The following SLC15A5 variants were observed in gnomAD, a reference collection of about 807,000 sequenced individuals.
SLC15A5 encodes the protein solute carrier family 15 member 5.
Under a neutral mutation model 56.1 loss-of-function variants are expected in SLC15A5, and 58 were observed. That is an observed-to-expected ratio of 1.03 (90% CI 0.84 to 1.29). The LOEUF is 1.29. SLC15A5 is among the 50% of genes most tolerant of loss of function. The pLI, the probability that SLC15A5 is intolerant of heterozygous loss-of-function variation, is 0.00. For missense variants in SLC15A5, 681 were observed against 672.1 expected (o/e 1.01, Z -0.15); for synonymous variants, 264 against 250.5 (o/e 1.05, Z -0.51).
intron 7 of SLC15A5, among the ~76,000 whole-genome samples, chr12:16,208,535 G>A (rs1380690090): frequency 6.6e-6 from 1 of 152,078 alleles, no homozygotes; most frequent in Non-Finnish European, 1.5e-5. Flanking sequence ...TAGCCACGCG[G>A]TGGTGTGTGC....
At chr12:16,220,168 AT>A (rs2136247763) in intron 6 of SLC15A5, among the ~76,000 whole-genome samples, 1 of 152,326 alleles carries the variant, frequency 6.6e-6, no homozygotes, top group East Asian at 1.9e-4. Context: ...TCCTGTTGCC[AT>A]TTTTAGACCA....
intron 7 of SLC15A5, among the ~76,000 whole-genome samples, chr12:16,197,640 T>C (rs1399690473): frequency 6.6e-6 from 1 of 152,070 alleles, no homozygotes; most frequent in Non-Finnish European, 1.5e-5. Flanking sequence ...TCCACAAACC[T>C]TAGATTATCA....
intron 7 of SLC15A5, among the ~76,000 whole-genome samples, chr12:16,199,964 C>A (rs1033210162): frequency 9.2e-5 from 14 of 151,864 alleles, no homozygotes; most frequent in Admixed American, 2.6e-4. Context: ...TCATTGTAGC[C>A]TAGCAGTCTT....
intron 3 of SLC15A5, among the ~76,000 whole-genome samples, chr12:16,254,870 A>G (rs1245690687): frequency 2.0e-5 from 3 of 152,162 alleles, no homozygotes; most frequent in Non-Finnish European, 4.4e-5. Flanking sequence ...GGAGAGATTT[A>G]TTAAGTGACA....
intron 3 of SLC15A5, among the ~76,000 whole-genome samples, chr12:16,252,510 C>T (rs1591656220): frequency 6.6e-6 from 1 of 151,894 alleles, no homozygotes; most frequent in Admixed American, 6.6e-5. Flanking sequence ...CTATAATTAA[C>T]GATGACTGAT....
chr12:16,226,703 T>C (rs569968270), intron 5 of SLC15A5, among the ~76,000 whole-genome samples: 1 of 152,230 alleles, frequency 6.6e-6, no homozygotes, highest in Admixed American at 6.5e-5. Flanking sequence ...ACAATTATAG[T>C]GGTCAAACTC....
At chr12:16,258,996 T>TTC (rs1014414635) in intron 2 of SLC15A5, among the ~76,000 whole-genome samples, 1 of 143,914 alleles carries the variant, frequency 6.9e-6, no homozygotes, top group African/African-American at 2.7e-5. Context: ...TTTTCTTTTT[T>TTC]TTTTTTTCTT....
intron 1 of SLC15A5, among the ~76,000 whole-genome samples, chr12:16,274,632 A>C (rs1864798148): frequency 6.6e-6 from 1 of 152,068 alleles, no homozygotes; most frequent in African/African-American, 2.4e-5. Flanking sequence ...GTTCCCTTTT[A>C]AGGTTAGCCA....
chr12:16,198,684 C>T (rs570897702), intron 7 of SLC15A5, among the ~76,000 whole-genome samples: 99 of 152,252 alleles, frequency 6.5e-4, no homozygotes, highest in African/African-American at 2.1e-3. Context: ...GACGACATTT[C>T]TACTCTGGTC....
At chr12:16,260,997 T>C (rs1405482870) in intron 2 of SLC15A5, among the ~76,000 whole-genome samples, 1 of 152,184 alleles carries the variant, frequency 6.6e-6, no homozygotes, top group East Asian at 1.9e-4. Flanking sequence ...GTTCCACTAA[T>C]CTATCCTTAT....
At chr12:16,239,630 G>A in intron 5 of SLC15A5, 51 bp downstream of exon 5, 2 of 1,495,988 alleles carry the variant, frequency 1.3e-6, no homozygotes, top group Non-Finnish European at 1.8e-6. Flanking sequence ...GCAGAATGTT[G>A]TTTTAAAAAA....
In SLC15A5 at chr12:16,208,751, A is replaced by G. The variant is rs377381418; in HGVS notation, c.1483+8142T>C. 1.9e-4 allele frequency among the ~76,000 whole-genome samples: 29 copies of G among 152,346 alleles called. No individual in the cohort carries two copies. In the South Asian group the frequency reaches 5.4e-3, roughly 28 times the overall value. ...TTTTAAATACAAGGTTCCCACTTAA[A>G]TTTTAATTTCAGAATGAGGAATTAT... is the stretch of plus-strand genomic sequence containing the variant. On this transcript the variant is annotated intron_variant, in intron 7 of 8. Coordinates refer to ENST00000344941, the MANE Select transcript of SLC15A5 (RefSeq NM_001170798.1).
At chr12:16,270,230 T>C (rs557189146) in intron 2 of SLC15A5, among the ~76,000 whole-genome samples, 3 of 152,278 alleles carry the variant, frequency 2.0e-5, no homozygotes, top group East Asian at 3.9e-4. Flanking sequence ...AACATGATCA[T>C]TGGGAAGCTT....
intron 7 of SLC15A5, among the ~76,000 whole-genome samples, chr12:16,203,646 T>G (rs1330573020): frequency 6.6e-6 from 1 of 152,148 alleles, no homozygotes; most frequent in Non-Finnish European, 1.5e-5. Context: ...TAAGATATCC[T>G]CATTAAGATC....
rs1864833415 is a variant in SLC15A5 at position 16,277,586 on chromosome 12, A to G, written c.100T>C (p.Ser34Pro). 6.5e-7 allele frequency: 1 copy of G among 1,536,472 alleles called. No homozygotes were observed. Among genetic ancestry groups the G allele is most frequent in the Non-Finnish European group, 8.7e-7 (1 of 1,146,378 alleles). Residue 34 changes from serine to proline, a missense_variant, in exon 1 of 9, where the codon TCA (serine) becomes CCA (proline). Transcript: ENST00000344941. ...TVRHIGDLCSSHSVKKIQVGI... is the reference protein window; with the variant it reads ...TVRHIGDLCSPHSVKKIQVGI... ...ACCTGAATTTTTTTCACAGAGTGTG[A>G]GGAACACAAATCGCCAATATGTCTT... is the stretch of plus-strand genomic sequence containing the variant.
chr12:16,232,678 G>T (rs1864309891), intron 5 of SLC15A5, among the ~76,000 whole-genome samples: 1 of 152,188 alleles, frequency 6.6e-6, no homozygotes, highest in South Asian at 2.1e-4. Flanking sequence ...CACTTTGGGA[G>T]GCCGAGGTGG....
chr12:16,207,918 G>A (rs1235801052), intron 7 of SLC15A5, among the ~76,000 whole-genome samples: 1 of 152,168 alleles, frequency 6.6e-6, no homozygotes, highest in Non-Finnish European at 1.5e-5. Context: ...CTCCCAAAAT[G>A]CTGGGATTAC....
rs1306972080 is a variant in SLC15A5 at position 16,193,802 on chromosome 12, A to C, written c.1592+543T>G. On this transcript the variant is annotated intron_variant, in intron 8 of 8. Transcript: ENST00000344941. ...AGGGGAGAGAGAGAGAGAGAGAGAG[A>C]GAGAGAGAGAGAGAGAGAGAGAGAG... Among the ~76,000 whole-genome samples, 210 of 40,732 alleles carry C rather than the reference A, an allele frequency of 5.2e-3. 20 individuals carry two copies. The highest frequency in any genetic ancestry group is 0.013 in the Middle Eastern group (1 of 78). The allele number at this position is 40,732 out of a possible 152,430, so 26.7% of individuals were successfully genotyped here.
chr12:16,239,826 C>T lies in SLC15A5; in HGVS notation c.1017G>A (p.Leu339=). The T allele has an allele frequency of 6.5e-7, 1 of 1,537,138 alleles. No homozygotes were observed. The highest frequency in any genetic ancestry group is 8.7e-7 in the Non-Finnish European group (1 of 1,146,868). ...TCGGCAGAAGAAATCCATCCAAATT[C>T]AGGTTGGAATTCATAGTTTGCAGAT... is the stretch of plus-strand genomic sequence containing the variant. ...GYYLQTMNSN[L]NLDGFLLPIA... is the part of the protein sequence containing the mutation. The change falls in exon 5 of 9, where the codon CTG becomes CTA. Residue 339 remains leucine (L), a synonymous_variant. Transcript: ENST00000344941.
Sources: allele counts gnomAD v4.1 joint callset (sites outside exome capture counted in the v4.1 genomes callset), GRCh38; gene constraint gnomAD v4.1.1; transcripts MANE v1.5; gene names NCBI Gene and HGNC (gene_info 2026-07-23, HGNC 2026-07-21).